The following MDFIC2 variants were observed in gnomAD, a reference collection of about 807,000 sequenced individuals.
The protein encoded by MDFIC2 is MyoD family inhibitor domain containing 2, also known as myoD family inhibitor domain-containing protein 2.
chr3:70,299,429 A>G (rs989960686), intron 2 of MDFIC2, among the ~76,000 whole-genome samples: 2 of 152,090 alleles, frequency 1.3e-5, no homozygotes, highest in Non-Finnish European at 2.9e-5. Flanking sequence ...TAATTTTTCT[A>G]AAAAATAGAT....
At chr3:70,277,598 T>C (rs1702039989) in intron 2 of MDFIC2, among the ~76,000 whole-genome samples, 1 of 152,228 alleles carries the variant, frequency 6.6e-6, no homozygotes, top group Admixed American at 6.5e-5. Context: ...GCAATAATGC[T>C]GTGTCATACT....
intron 2 of MDFIC2, among the ~76,000 whole-genome samples, chr3:70,264,158 T>C (rs1701893354): frequency 6.6e-6 from 1 of 152,256 alleles, no homozygotes; most frequent in South Asian, 2.1e-4. Context: ...GCATATGTTT[T>C]GCATTTATTC....
intron 2 of MDFIC2, among the ~76,000 whole-genome samples, chr3:70,293,607 G>T (rs920209518): frequency 6.6e-6 from 1 of 152,090 alleles, no homozygotes; most frequent in South Asian, 2.1e-4. Context: ...ATATAAGATG[G>T]TGTTAGCTTG....
intron 2 of MDFIC2, among the ~76,000 whole-genome samples, chr3:70,272,965 A>G (rs1701988380): frequency 6.6e-6 from 1 of 152,162 alleles, no homozygotes. Flanking sequence ...GTGCATTGTA[A>G]TTGGCATCTT....
At chr3:70,285,172 G>A (rs1702130980) in intron 2 of MDFIC2, among the ~76,000 whole-genome samples, 1 of 149,560 alleles carries the variant, frequency 6.7e-6, no homozygotes, top group East Asian at 2.0e-4. Flanking sequence ...TTGTCATCTA[G>A]CATTAGGTAT....
In MDFIC2 at chr3:70,194,742, T is replaced by C. The variant is rs77173450; in HGVS notation, c.*2184A>G. On this transcript the variant is annotated 3_prime_UTR_variant, in exon 4 of 4. Coordinates refer to ENST00000567252, the MANE Select transcript of MDFIC2 (RefSeq NM_001364677.1). ...AATCTTTGCATAATTTGAGGGTATG[T>C]AGAGTAGAAAGAATAAGGGAATGAT... 7.9e-5 allele frequency among the ~76,000 whole-genome samples: 12 copies of C among 152,292 alleles called. 1 individual carries two copies. The East Asian group carries it at 2.3e-3, about 29-fold the overall frequency.
chr3:70,214,856 C>G (rs1206587348), intron 2 of MDFIC2, among the ~76,000 whole-genome samples: 1 of 151,826 alleles, frequency 6.6e-6, no homozygotes, highest in Non-Finnish European at 1.5e-5. Context: ...TAAAAAGTGT[C>G]TCAAGAAATA....
chr3:70,255,919 A>G (rs1012262996), intron 2 of MDFIC2, among the ~76,000 whole-genome samples: 4 of 152,174 alleles, frequency 2.6e-5, no homozygotes, highest in African/African-American at 9.7e-5. Context: ...CAGGAAAAAA[A>G]TTCTAATTAC....
intron 2 of MDFIC2, among the ~76,000 whole-genome samples, chr3:70,228,971 A>G (rs543060594): frequency 1.3e-5 from 2 of 152,298 alleles, no homozygotes; most frequent in Non-Finnish European, 2.9e-5. Flanking sequence ...GTGAAGAAAC[A>G]CGGAGAATAC....
chr3:70,308,469 A>G (rs563891345), intron 2 of MDFIC2, among the ~76,000 whole-genome samples: 93 of 152,244 alleles, frequency 6.1e-4, no homozygotes, highest in African/African-American at 2.1e-3. Context: ...GTGTTTCTCA[A>G]ATAAAATTTA....
intron 2 of MDFIC2, among the ~76,000 whole-genome samples, chr3:70,284,000 G>A (rs781213495): frequency 7.9e-5 from 12 of 151,988 alleles, no homozygotes; most frequent in Non-Finnish European, 1.6e-4. Context: ...CATACAGAAG[G>A]GGTTTCCATG....
chr3:70,296,004 T>C (rs558892547), intron 2 of MDFIC2, among the ~76,000 whole-genome samples: 36 of 152,348 alleles, frequency 2.4e-4, no homozygotes, highest in African/African-American at 6.0e-4. Flanking sequence ...TACATGTATT[T>C]AAAACTGTGG....
intron 2 of MDFIC2, among the ~76,000 whole-genome samples, chr3:70,248,555 A>G (rs552559215): frequency 1.3e-5 from 2 of 152,180 alleles, no homozygotes; most frequent in South Asian, 2.1e-4. Context: ...GGGAAAATAC[A>G]TAGTCAAATT....
At chr3:70,245,456 GA>G (rs954401521) in intron 2 of MDFIC2, among the ~76,000 whole-genome samples, 31 of 151,396 alleles carry the variant, frequency 2.0e-4, no homozygotes, top group Non-Finnish European at 4.6e-4. Context: ...ATATGATTAA[GA>G]AATAGCATAT....
intron 2 of MDFIC2, among the ~76,000 whole-genome samples, chr3:70,303,343 T>G (rs1014354002): frequency 6.6e-6 from 1 of 152,140 alleles, no homozygotes; most frequent in African/African-American, 2.4e-5. Context: ...GGAGTCAGAC[T>G]CATGGCCAAA....
At chr3:70,226,031 G>C (rs1701503380) in intron 2 of MDFIC2, among the ~76,000 whole-genome samples, 1 of 152,026 alleles carries the variant, frequency 6.6e-6, no homozygotes, top group Non-Finnish European at 1.5e-5. Flanking sequence ...GAATATGGTA[G>C]GCATTTTCCA....
chr3:70,224,313 A>G (rs1701484710), intron 2 of MDFIC2, among the ~76,000 whole-genome samples: 1 of 152,200 alleles, frequency 6.6e-6, no homozygotes, highest in Admixed American at 6.5e-5. Flanking sequence ...GGATAAATCC[A>G]ATACATTTGG....
chr3:70,243,514 G>T (rs1701679865), intron 2 of MDFIC2, among the ~76,000 whole-genome samples: 1 of 152,094 alleles, frequency 6.6e-6, no homozygotes, highest in Admixed American at 6.6e-5. Context: ...TTGGCTTTAA[G>T]TGTATTTCAG....
intron 2 of MDFIC2, among the ~76,000 whole-genome samples, chr3:70,233,318 C>T (rs1290792881): frequency 6.6e-6 from 1 of 152,074 alleles, no homozygotes; most frequent in Admixed American, 6.5e-5. Context: ...AGGAGTGCAG[C>T]AAGATGACAG....
Sources: allele counts gnomAD v4.1 joint callset (sites outside exome capture counted in the v4.1 genomes callset), GRCh38; gene constraint gnomAD v4.1.1; transcripts MANE v1.5; gene names NCBI Gene and HGNC (gene_info 2026-07-23, HGNC 2026-07-21).